SLC24A3: variants seen among roughly 807,000 people sequenced by gnomAD.
The protein encoded by SLC24A3 is sodium/potassium/calcium exchanger 3.
In SLC24A3, 28 loss-of-function variants were observed where a neutral mutation model predicts 75.8. That is an observed-to-expected ratio of 0.37 (90% CI 0.27 to 0.51). The LOEUF (loss-of-function observed/expected upper bound fraction) is 0.51. Among genes scored for constraint, SLC24A3 ranks in the 20% least tolerant of loss-of-function variants. SLC24A3 has a pLI of 0.94. For missense variants in SLC24A3, 663 were observed against 847.8 expected (o/e 0.78, Z 2.71); for synonymous variants, 372 against 334.1 (o/e 1.11, Z -1.24).
intron 1 of SLC24A3, among the ~76,000 whole-genome samples, chr20:19,243,309 A>G (rs1288519949): frequency 6.6e-6 from 1 of 152,262 alleles, no homozygotes; most frequent in Non-Finnish European, 1.5e-5. Context: ...AGAAGTTTCC[A>G]AAGCACAACT....
At chr20:19,464,381 A>G (rs1600240398) in intron 2 of SLC24A3, among the ~76,000 whole-genome samples, 1 of 134,352 alleles carries the variant, frequency 7.4e-6, no homozygotes, top group East Asian at 2.2e-4. Context: ...ATACGTGCGC[A>G]CACGTGTGTA....
chr20:19,699,765 T>C (rs1324322336), intron 15 of SLC24A3, among the ~76,000 whole-genome samples: 1 of 152,154 alleles, frequency 6.6e-6, no homozygotes, highest in African/African-American at 2.4e-5. Flanking sequence ...GGAAGTGCTT[T>C]CTCCCTTGCA....
chr20:19,433,843 G>A (rs371907741), intron 2 of SLC24A3, among the ~76,000 whole-genome samples: 1 of 152,176 alleles, frequency 6.6e-6, no homozygotes, highest in Non-Finnish European at 1.5e-5. Flanking sequence ...TCACATAAAG[G>A]TTCTTTTCTT....
intron 2 of SLC24A3, among the ~76,000 whole-genome samples, chr20:19,492,299 T>C (rs1007085492): frequency 2.6e-5 from 4 of 152,162 alleles, no homozygotes; most frequent in Non-Finnish European, 4.4e-5. Flanking sequence ...GGGTTTTAGA[T>C]TTGTCTCTGC....
At chr20:19,544,017 G>A (rs1351329933) in intron 3 of SLC24A3, among the ~76,000 whole-genome samples, 1 of 152,130 alleles carries the variant, frequency 6.6e-6, no homozygotes, top group Non-Finnish European at 1.5e-5. Context: ...GAGTTTTGAT[G>A]TTTACAGGTC....
chr20:19,692,397 T>A (rs1427145829), intron 12 of SLC24A3, among the ~76,000 whole-genome samples: 1 of 152,176 alleles, frequency 6.6e-6, no homozygotes, highest in Non-Finnish European at 1.5e-5. Flanking sequence ...CACCGCCATA[T>A]GGATAACAAA....
rs565445903 is a variant in SLC24A3, at chr20:19,566,760, A to G, written c.349-13240A>G. Among the ~76,000 whole-genome samples the G allele has an allele frequency of 3.9e-5, 6 of 152,348 alleles. No homozygotes were observed. In the South Asian group the frequency reaches 1.2e-3, roughly 32 times the overall value. ...AGTGTGTGTGTGCTTGCCAGGGGAA[A>G]GTTGCCAGGAAAACCAGGAAACATT... On this transcript the variant is annotated intron_variant, in intron 3 of 16. Coordinates refer to ENST00000328041, the MANE Select transcript of SLC24A3 (RefSeq NM_020689.4).
chr20:19,699,540 T>C (rs1005369084), intron 15 of SLC24A3, among the ~76,000 whole-genome samples: 20 of 152,256 alleles, frequency 1.3e-4, no homozygotes, highest in Non-Finnish European at 8.8e-5. Flanking sequence ...ATGTTCTCTA[T>C]ATTCCTGGAG....
chr20:19,690,832 T>G (rs754058939), intron 12 of SLC24A3, among the ~76,000 whole-genome samples: 4 of 152,328 alleles, frequency 2.6e-5, no homozygotes, highest in Admixed American at 6.5e-5. Flanking sequence ...CTAACAAGAC[T>G]CATAGCAGCT....
At chr20:19,469,975 C>T (rs749625516) in intron 2 of SLC24A3, among the ~76,000 whole-genome samples, 1 of 152,148 alleles carries the variant, frequency 6.6e-6, no homozygotes, top group Non-Finnish European at 1.5e-5. Flanking sequence ...CTCCTCCCTG[C>T]AAACTTAGAG....
intron 2 of SLC24A3, among the ~76,000 whole-genome samples, chr20:19,320,457 A>G (rs1984682744): frequency 6.6e-6 from 1 of 151,998 alleles, no homozygotes; most frequent in Non-Finnish European, 1.5e-5. Flanking sequence ...TGGGATGGTC[A>G]TTCTGCTTGG....
chr20:19,468,145 G>A (rs1194791829), intron 2 of SLC24A3, among the ~76,000 whole-genome samples: 1 of 152,104 alleles, frequency 6.6e-6, no homozygotes, highest in East Asian at 1.9e-4. Context: ...ATGAGAAAGT[G>A]GAGTTAAGCT....
At chr20:19,643,566 C>T (rs1600317808) in intron 6 of SLC24A3, among the ~76,000 whole-genome samples, 1 of 152,146 alleles carries the variant, frequency 6.6e-6, no homozygotes, top group African/African-American at 2.4e-5. Flanking sequence ...CTATTACTGG[C>T]TCTCCTAACA....
chr20:19,647,068 G>C (rs1048218845), intron 6 of SLC24A3, among the ~76,000 whole-genome samples: 4 of 152,006 alleles, frequency 2.6e-5, no homozygotes, highest in African/African-American at 9.7e-5. Context: ...TGGGGTAGGA[G>C]GTGCCAGAGA....
intron 2 of SLC24A3, among the ~76,000 whole-genome samples, chr20:19,358,799 A>G (rs1383342910): frequency 6.6e-6 from 1 of 152,212 alleles, no homozygotes; most frequent in Non-Finnish European, 1.5e-5. Flanking sequence ...GGCCCCCGGC[A>G]GTCACCAATC....
intron 2 of SLC24A3, among the ~76,000 whole-genome samples, chr20:19,513,318 A>G (rs1302290048): frequency 1.3e-5 from 2 of 152,208 alleles, no homozygotes; most frequent in African/African-American, 2.4e-5. Context: ...CTTTCCAGCC[A>G]TGGAGCCCAA....
chr20:19,279,509 C>A (rs1983593387), intron 1 of SLC24A3, among the ~76,000 whole-genome samples: 1 of 152,224 alleles, frequency 6.6e-6, no homozygotes, highest in Non-Finnish European at 1.5e-5. Flanking sequence ...CACCTTCCTT[C>A]CTGAAATTCT....
At chr20:19,354,553 G>A (rs1600444545) in intron 2 of SLC24A3, among the ~76,000 whole-genome samples, 4 of 151,618 alleles carry the variant, frequency 2.6e-5, no homozygotes, top group Admixed American at 2.6e-4. Flanking sequence ...ATAGCAAATG[G>A]TCAATAAATG....
chr20:19,292,171 T>C (rs577083711), intron 2 of SLC24A3, among the ~76,000 whole-genome samples: 70 of 152,206 alleles, frequency 4.6e-4, no homozygotes, highest in African/African-American at 1.4e-3. Context: ...CATGAGTTGG[T>C]GGAACAAAGC....
Sources: allele counts gnomAD v4.1 joint callset (sites outside exome capture counted in the v4.1 genomes callset), GRCh38; gene constraint gnomAD v4.1.1; transcripts MANE v1.5; gene names NCBI Gene and HGNC (gene_info 2026-07-23, HGNC 2026-07-21).